The following ADCY5 variants were observed in gnomAD, a reference collection of about 807,000 sequenced individuals.
The protein encoded by ADCY5 is adenylate cyclase type 5.
ADCY5 carries 30 observed loss-of-function variants against 119.7 expected under a neutral mutation model. The observed-to-expected ratio is 0.25, with a 90% confidence interval of 0.19 to 0.34. The LOEUF (loss-of-function observed/expected upper bound fraction) is 0.34. ADCY5 is among the 10% of genes least tolerant of loss of function. The pLI, the probability that ADCY5 is intolerant of heterozygous loss-of-function variation, is 1.00. For missense variants in ADCY5, 1,324 were observed against 1,775.2 expected, an observed-to-expected ratio of 0.75 and a Z score of 4.57; for synonymous variants, 753 against 762.2, an observed-to-expected ratio of 0.99 and a Z score of 0.20.
At chr3:123,441,635 G>A (rs1466085874) in intron 1 of ADCY5, among the ~76,000 whole-genome samples, 3 of 152,078 alleles carry the variant, frequency 2.0e-5, no homozygotes, top group Admixed American at 6.6e-5. Context: ...CTTGCCCTTC[G>A]CGTTAGGTTT....
intron 3 of ADCY5, among the ~76,000 whole-genome samples, chr3:123,342,535 G>A (rs1942341886): frequency 6.6e-6 from 1 of 152,132 alleles, no homozygotes; most frequent in Non-Finnish European, 1.5e-5. Context: ...GGACTCGGGT[G>A]CCTGATCCAA....
At chr3:123,363,143 G>GAAA (rs58854772) in intron 1 of ADCY5, among the ~76,000 whole-genome samples, 3 of 50,076 alleles carry the variant, frequency 6.0e-5, no homozygotes, top group African/African-American at 6.1e-5. Flanking sequence ...ATTCCTTCTT[G>GAAA]AAAAAAAAAA....
chr3:123,367,673 AG>A (rs1371741808), intron 1 of ADCY5, among the ~76,000 whole-genome samples: 1 of 151,986 alleles, frequency 6.6e-6, no homozygotes, highest in Non-Finnish European at 1.5e-5. Context: ...AGTCAGATTC[AG>A]GGGCGGGAAG....
intron 1 of ADCY5, among the ~76,000 whole-genome samples, chr3:123,356,629 T>C (rs1943049030): frequency 6.6e-6 from 1 of 152,142 alleles, no homozygotes; most frequent in Non-Finnish European, 1.5e-5. Context: ...ATGAGTACTA[T>C]CACACACTAT....
intron 7 of ADCY5, among the ~76,000 whole-genome samples, chr3:123,326,171 C>A (rs1470392156): frequency 6.6e-6 from 1 of 152,298 alleles, no homozygotes; most frequent in East Asian, 1.9e-4. Flanking sequence ...GCCCGGGGCC[C>A]AAGAGGCCAC....
intron 1 of ADCY5, among the ~76,000 whole-genome samples, chr3:123,364,412 CT>C (rs1943361817): frequency 6.6e-6 from 1 of 152,150 alleles, no homozygotes; most frequent in South Asian, 2.1e-4. Context: ...GACTAGGACC[CT>C]TCCTGGAGAA....
In ADCY5 at chr3:123,402,714, G is replaced by A. The variant is rs546456512; in HGVS notation, c.1134+44698C>T. ...AAATACAAAAAAAAATTAGTCAGGCGTGGTGGTGGGTGCCTGTAGTCCCAG... is the reference window on the plus strand; with the variant it reads ...AAATACAAAAAAAAATTAGTCAGGCATGGTGGTGGGTGCCTGTAGTCCCAG... On this transcript the variant is annotated intron_variant, in intron 1 of 20. Coordinates refer to ENST00000462833, the MANE Select transcript of ADCY5 (RefSeq NM_183357.3). Among the ~76,000 whole-genome samples, 43 of 152,106 alleles carry A rather than the reference G, an allele frequency of 2.8e-4. 1 individual carries two copies. In the East Asian group the frequency reaches 7.7e-3, roughly 27 times the overall value.
chr3:123,419,669 G>A (rs1025870838), intron 1 of ADCY5, among the ~76,000 whole-genome samples: 6 of 152,058 alleles, frequency 3.9e-5, no homozygotes, highest in African/African-American at 9.7e-5. Flanking sequence ...CTGTGTACCC[G>A]GACATACGTG....
At chr3:123,326,243 TAC>T (rs1281720819) in intron 7 of ADCY5, among the ~76,000 whole-genome samples, 1 of 152,178 alleles carries the variant, frequency 6.6e-6, no homozygotes, top group Non-Finnish European at 1.5e-5. Flanking sequence ...ATTGTACAAA[TAC>T]ACAGAGTCTC....
chr3:123,345,235 T>TG (rs1942474878), intron 3 of ADCY5, among the ~76,000 whole-genome samples: 1 of 152,168 alleles, frequency 6.6e-6, no homozygotes, highest in African/African-American at 2.4e-5. Flanking sequence ...AATAGGAAGA[T>TG]GCCTGCTGAG....
intron 12 of ADCY5, among the ~76,000 whole-genome samples, chr3:123,308,028 C>CTTTTT (rs1178147327): frequency 5.7e-4 from 49 of 85,660 alleles, no homozygotes; most frequent in Non-Finnish European, 6.3e-4. Flanking sequence ...TTTTCATGCT[C>CTTTTT]TTTTTTTTTT....
At chr3:123,359,331 AATATATATATATATATATAT>A (rs57105101) in intron 1 of ADCY5, among the ~76,000 whole-genome samples, 10,360 of 109,812 alleles carry the variant, frequency 0.094, 1,503 homozygotes, top group East Asian at 0.3. Flanking sequence ...CTTATACTAA[AATATATATATATATATATAT>A]ATATATATAT....
Position 123,448,420 on chromosome 3 carries a change from G to A in ADCY5, c.126C>T (p.Tyr42=), listed in dbSNP as rs1161865354. The A allele has an allele frequency of 7.3e-7, 1 of 1,378,378 alleles. No homozygotes were observed. The highest frequency in any genetic ancestry group is 3.4e-5 in the Admixed American group (1 of 29,726). The allele number at this position is 1,378,378 out of a possible 1,614,324, so 85.4% of individuals were successfully genotyped here. The change falls in exon 1 of 21, where the codon TAC becomes TAT. Residue 42 remains tyrosine, a synonymous_variant. Coordinates refer to ENST00000462833, the MANE Select transcript of ADCY5 (RefSeq NM_183357.3). ...GGGCAGAGCCCCCGGGGGCATGGGGGTAGCCATTCGCGCGGGAATCGGCCT... is the reference window on the plus strand; with the variant it reads ...GGGCAGAGCCCCCGGGGGCATGGGGATAGCCATTCGCGCGGGAATCGGCCT... ...WGEADSRANG[Y]PHAPGGSARG...
At chr3:123,325,810 T>A (rs79958335) in intron 7 of ADCY5, among the ~76,000 whole-genome samples, 2,763 of 152,340 alleles carry the variant, frequency 0.018, 148 homozygotes, top group South Asian at 0.17. Flanking sequence ...CCTTCTCTCC[T>A]CTGGATGGCC....
At chr3:123,311,290 G>C (rs1476064556) in intron 12 of ADCY5, among the ~76,000 whole-genome samples, 1 of 152,242 alleles carries the variant, frequency 6.6e-6, no homozygotes, top group Non-Finnish European at 1.5e-5. Context: ...CTGCAGGCTA[G>C]TCAGCTTTGT....
chr3:123,313,874 C>T (rs889498780), intron 12 of ADCY5, among the ~76,000 whole-genome samples: 2 of 152,224 alleles, frequency 1.3e-5, no homozygotes, highest in African/African-American at 4.8e-5. Flanking sequence ...CTCCTCCACA[C>T]CCATTCTCTC....
In ADCY5 at chr3:123,409,402, C is replaced by A. The variant is rs139796063; in HGVS notation, c.1134+38010G>T. On this transcript the variant is annotated intron_variant, in intron 1 of 20. Coordinates refer to ENST00000462833, the MANE Select transcript of ADCY5 (RefSeq NM_183357.3). ...TGGGGAAAAAGGACAGACGGCCCAG[C>A]ACATGCTAGTTCTCAGGGTGGCCAC... Among the ~76,000 whole-genome samples, 81 of 152,290 alleles carry A rather than the reference C, an allele frequency of 5.3e-4. 1 individual carries two copies. In the East Asian group the frequency reaches 0.015, roughly 28 times the overall value.
chr3:123,426,782 G>A (rs1405600732), intron 1 of ADCY5, among the ~76,000 whole-genome samples: 1 of 152,126 alleles, frequency 6.6e-6, no homozygotes, highest in Non-Finnish European at 1.5e-5. Context: ...CTCTGCTGGG[G>A]CTTGGGGTGC....
chr3:123,360,297 G>A (rs962571713), intron 1 of ADCY5, among the ~76,000 whole-genome samples: 6 of 151,922 alleles, frequency 3.9e-5, no homozygotes, highest in African/African-American at 1.2e-4. Flanking sequence ...TGCTCACTAG[G>A]GTCCTGCCCA....
Sources: allele counts gnomAD v4.1 joint callset (sites outside exome capture counted in the v4.1 genomes callset), GRCh38; gene constraint gnomAD v4.1.1; transcripts MANE v1.5; gene names NCBI Gene and HGNC (gene_info 2026-07-23, HGNC 2026-07-21).